FSIP1: variants seen among roughly 807,000 people sequenced by gnomAD.
FSIP1 encodes the protein fibrous sheath-interacting protein 1.
Under a neutral mutation model 60.9 loss-of-function variants are expected in FSIP1, and 65 were observed. That is an observed-to-expected ratio of 1.07 (90% CI 0.87 to 1.31). The LOEUF (loss-of-function observed/expected upper bound fraction) is 1.31. Ranked by LOEUF, FSIP1 falls within the 40% of genes most tolerant of loss-of-function variation. The pLI, the probability that FSIP1 is intolerant of heterozygous loss-of-function variation, is 0.00. For synonymous variants in FSIP1, 209 were observed against 221.2 expected, an observed-to-expected ratio of 0.94 and a Z score of 0.49; for missense variants, 675 against 665.5, an observed-to-expected ratio of 1.01 and a Z score of -0.16.
At chr15:39,710,568 G>A (rs1895465543) in intron 10 of FSIP1, among the ~76,000 whole-genome samples, 1 of 152,038 alleles carries the variant, frequency 6.6e-6, no homozygotes, top group Non-Finnish European at 1.5e-5. Flanking sequence ...TTTGTATAGG[G>A]GAACCCAAAC....
intron 10 of FSIP1, among the ~76,000 whole-genome samples, chr15:39,657,828 A>G (rs985475341): frequency 6.6e-5 from 10 of 152,188 alleles, no homozygotes; most frequent in Non-Finnish European, 1.5e-4. Flanking sequence ...GATGTCAAAA[A>G]TCATGAATTC....
intron 5 of FSIP1, among the ~76,000 whole-genome samples, chr15:39,746,321 A>G (rs1167667549): frequency 6.6e-6 from 1 of 152,150 alleles, no homozygotes; most frequent in Non-Finnish European, 1.5e-5. Context: ...AAAGGAAAAA[A>G]ACAACCAGAA....
intron 8 of FSIP1, among the ~76,000 whole-genome samples, chr15:39,736,194 T>C (rs1354711267): frequency 6.6e-6 from 1 of 152,228 alleles, no homozygotes; most frequent in Middle Eastern, 3.2e-3. Context: ...CACATGACTA[T>C]ACCATGAACC....
intron 10 of FSIP1, among the ~76,000 whole-genome samples, chr15:39,658,885 A>G (rs970453351): frequency 6.6e-6 from 1 of 152,286 alleles, no homozygotes; most frequent in Non-Finnish European, 1.5e-5. Context: ...ATTATTCATA[A>G]TCGCCAAAAA....
At chr15:39,713,675 G>T (rs2140555716) in intron 9 of FSIP1, 94 bp from the exon 10 acceptor site, 1 of 1,136,474 alleles carries the variant, frequency 8.8e-7, no homozygotes, top group Non-Finnish European at 1.2e-6. Flanking sequence ...GGTTAGCTTT[G>T]CTTCTCAAAC....
intron 10 of FSIP1, among the ~76,000 whole-genome samples, chr15:39,658,921 G>A (rs1893180478): frequency 6.6e-6 from 1 of 152,192 alleles, no homozygotes; most frequent in Non-Finnish European, 1.5e-5. Flanking sequence ...ACGTCCAAGT[G>A]ACTAATGAGT....
chr15:39,692,821 C>T (rs1894656644), intron 10 of FSIP1, among the ~76,000 whole-genome samples: 1 of 152,128 alleles, frequency 6.6e-6, no homozygotes, highest in African/African-American at 2.4e-5. Context: ...AGCAGCTAAG[C>T]CGCTTAATGT....
intron 9 of FSIP1, among the ~76,000 whole-genome samples, chr15:39,716,917 C>T (rs1365452839): frequency 5.5e-5 from 8 of 144,872 alleles, no homozygotes; most frequent in Non-Finnish European, 1.0e-4. Flanking sequence ...CGGGTTCAAG[C>T]GATTCTCCTG....
chr15:39,686,776 C>T (rs918569419), intron 10 of FSIP1, among the ~76,000 whole-genome samples: 1 of 152,184 alleles, frequency 6.6e-6, no homozygotes, highest in Non-Finnish European at 1.5e-5. Context: ...GATCTACAAA[C>T]AATTAGCAAA....
In FSIP1 at chr15:39,600,860, C is replaced by T. The variant is rs758632843; in HGVS notation, c.*20G>A. On this transcript the variant is annotated 3_prime_UTR_variant, in exon 12 of 12. Transcript: ENST00000350221. The stretch of plus-strand genomic sequence containing the variant: ...ACTTCATTACCAACTTTCTGAAAAG[C>T]ACACCCAGCAAGTCCTTGATTAGGG... 2.5e-6 allele frequency: 4 copies of T among 1,588,932 alleles called. No homozygotes were observed. In the South Asian group the frequency reaches 4.6e-5, roughly 18 times the overall value.
intron 1 of FSIP1, among the ~76,000 whole-genome samples, chr15:39,779,360 GT>G (rs1484870259): frequency 1.3e-5 from 2 of 152,074 alleles, no homozygotes; most frequent in Non-Finnish European, 2.9e-5. Flanking sequence ...GGATTGGTGG[GT>G]TTCTGGATGT....
chr15:39,752,524 C>T (rs1247405997), intron 5 of FSIP1, among the ~76,000 whole-genome samples: 2 of 151,980 alleles, frequency 1.3e-5, no homozygotes, highest in Non-Finnish European at 2.9e-5. Flanking sequence ...CCTGTAACTC[C>T]ATGGTTTTCC....
chr15:39,721,558 C>T (rs1412743385), intron 9 of FSIP1, among the ~76,000 whole-genome samples: 1 of 152,200 alleles, frequency 6.6e-6, no homozygotes, highest in Non-Finnish European at 1.5e-5. Flanking sequence ...GATCAAGCTT[C>T]ATACTAGTCT....
At chr15:39,696,893 TG>T (rs1455023905) in intron 10 of FSIP1, among the ~76,000 whole-genome samples, 1 of 113,838 alleles carries the variant, frequency 8.8e-6, no homozygotes, top group Non-Finnish European at 2.0e-5. Context: ...TGTGTGTGTG[TG>T]TGTGTGTGTG....
chr15:39,620,774 A>ATATT (rs1163685134), intron 10 of FSIP1, among the ~76,000 whole-genome samples: 1 of 147,680 alleles, frequency 6.8e-6, no homozygotes, highest in East Asian at 2.0e-4. Flanking sequence ...ATATATATAT[A>ATATT]TTTATATTTT....
At chr15:39,718,498 T>TC (rs1895836107) in intron 9 of FSIP1, among the ~76,000 whole-genome samples, 2 of 151,466 alleles carry the variant, frequency 1.3e-5, no homozygotes, top group South Asian at 4.2e-4. Flanking sequence ...CAAACCTTTT[T>TC]TTTTTTTTTT....
rs1228522600 is a variant in FSIP1, at chr15:39,674,017, G to T, written c.1188+39427C>A. 2.6e-5 allele frequency among the ~76,000 whole-genome samples: 4 copies of T among 151,362 alleles called. No homozygotes were observed. In the East Asian group the frequency reaches 5.8e-4, roughly 22 times the overall value. On this transcript the variant is annotated intron_variant, in intron 10 of 11. Coordinates refer to ENST00000350221, the MANE Select transcript of FSIP1 (RefSeq NM_152597.5). ...CCTGATATAAACTTTAGTAAATTAA[G>T]TATAGAGAAGGGAACATCCTTAACC... is the stretch of plus-strand genomic sequence containing the variant.
chr15:39,641,680 C>T (rs1892376490), intron 10 of FSIP1, among the ~76,000 whole-genome samples: 1 of 151,600 alleles, frequency 6.6e-6, no homozygotes, highest in African/African-American at 2.4e-5. Flanking sequence ...TGAGTCATAG[C>T]TTCAAGTCTC....
chr15:39,723,361 T>C (rs2140582569), intron 9 of FSIP1, among the ~76,000 whole-genome samples: 1 of 152,274 alleles, frequency 6.6e-6, no homozygotes, highest in Non-Finnish European at 1.5e-5. Flanking sequence ...CCCGAGTAGC[T>C]GGGACTACAG....
Sources: gnomAD v4.1 joint callset for allele counts (sites outside exome capture counted in the v4.1 genomes callset) on GRCh38, gnomAD v4.1.1 for gene constraint, MANE v1.5 for transcripts, NCBI Gene and HGNC (gene_info 2026-07-23, HGNC 2026-07-21) for gene names.